GOLGA7: variants seen among roughly 807,000 people sequenced by gnomAD.
GOLGA7 encodes the protein golgin A7, also known as golgin subfamily A member 7.
In GOLGA7, 10 loss-of-function variants were observed where a neutral mutation model predicts 21.1. The ratio of observed to expected loss-of-function variants is 0.47; its 90% CI spans 0.29 to 0.80. GOLGA7 has a LOEUF of 0.80. GOLGA7 is among the 30% of genes least tolerant of loss of function. The pLI, the probability that GOLGA7 is intolerant of heterozygous loss-of-function variation, is 0.08. For synonymous variants in GOLGA7, 64 were observed against 62.6 expected, an observed-to-expected ratio of 1.02 and a Z score of -0.10; for missense variants, 114 against 166.8, an observed-to-expected ratio of 0.68 and a Z score of 1.74.
At chr8:41,490,465 A>G (rs921412986), upstream of GOLGA7, 1 of 195,482 alleles carries the variant, frequency 5.1e-6, no homozygotes, top group Non-Finnish European at 1.1e-5. Flanking sequence ...CACAGCGCGC[A>G]GCTTCGGCAG....
rs1806374527 is a variant in GOLGA7, at chr8:41,509,703, A to G, written c.*135A>G. 6.6e-6 allele frequency: 1 copy of G among 152,610 alleles called. No homozygotes were observed. The highest frequency in any genetic ancestry group is 2.4e-5 in the African/African-American group (1 of 41,444). The allele number at this position is 152,610 out of a possible 1,614,324, so 9.5% of individuals were successfully genotyped here. A position where few individuals can be genotyped will look rare whatever the true frequency, so the allele number is the denominator to read the frequency against. ...CAGAGCCACGGTGCCATTTACTCCAAGGACTCACTTTCTAAAATTCCACAC... is the reference window on the plus strand; with the variant it reads ...CAGAGCCACGGTGCCATTTACTCCAGGGACTCACTTTCTAAAATTCCACAC... On this transcript the variant is annotated 3_prime_UTR_variant, in exon 5 of 5. Coordinates refer to ENST00000357743, the MANE Select transcript of GOLGA7 (RefSeq NM_001002296.2).
At chr8:41,503,221 T>C (rs1389749365) in intron 2 of GOLGA7, among the ~76,000 whole-genome samples, 1 of 139,272 alleles carries the variant, frequency 7.2e-6, no homozygotes, top group Non-Finnish European at 1.6e-5. Flanking sequence ...AAAAAAAAAG[T>C]GTCTGTTCAT....
At chr8:41,494,333 T>C (rs1805955186) in intron 1 of GOLGA7, among the ~76,000 whole-genome samples, 1 of 152,166 alleles carries the variant, frequency 6.6e-6, no homozygotes, top group Non-Finnish European at 1.5e-5. Context: ...TAATAATAAT[T>C]AGGGTTTCCG....
intron 1 of GOLGA7, among the ~76,000 whole-genome samples, chr8:41,497,178 A>G (rs1806039558): frequency 6.6e-6 from 1 of 151,680 alleles, no homozygotes; most frequent in Admixed American, 6.6e-5. Flanking sequence ...GGATTGAGAC[A>G]GTGCTTTATC....
chr8:41,492,093 A>G (rs1563413596), intron 1 of GOLGA7, among the ~76,000 whole-genome samples: 2 of 152,230 alleles, frequency 1.3e-5, no homozygotes, highest in African/African-American at 4.8e-5. Flanking sequence ...TGACATAACC[A>G]TGGGCAGCTT....
Position 41,507,135 on chromosome 8 carries a change from G to T in GOLGA7, c.*15+14G>T, listed in dbSNP as rs1301098688. On this transcript the variant is annotated intron_variant, in intron 4 of 4. Coordinates refer to ENST00000357743, the MANE Select transcript of GOLGA7 (RefSeq NM_001002296.2). ...GAAGAATTAAAGGTAAATATGAAAT[G>T]ATATGGCTTGTATGCAGCTTTTGCA... is the stretch of plus-strand genomic sequence containing the variant. The T allele has an allele frequency of 3.2e-6, 3 of 930,952 alleles. No individual in the cohort carries two copies. The highest frequency in any genetic ancestry group is 1.6e-5 in the African/African-American group (1 of 62,080). The allele number at this position is 930,952 out of a possible 1,614,324, so 57.7% of individuals were successfully genotyped here. A position where few individuals can be genotyped will look rare whatever the true frequency, so the allele number is the denominator to read the frequency against.
chr8:41,491,707 G>A (rs1032781027), intron 1 of GOLGA7, among the ~76,000 whole-genome samples: 8 of 151,802 alleles, frequency 5.3e-5, no homozygotes, highest in African/African-American at 1.9e-4. Context: ...GTATCTTGTT[G>A]TAGAGGTAAT....
intron 1 of GOLGA7, among the ~76,000 whole-genome samples, chr8:41,494,380 G>A (rs1397652547): frequency 6.6e-6 from 1 of 152,176 alleles, no homozygotes; most frequent in Non-Finnish European, 1.5e-5. Flanking sequence ...GAAATAAGAT[G>A]TTTCTGGGTT....
intron 1 of GOLGA7, among the ~76,000 whole-genome samples, chr8:41,494,827 C>A (rs1805968827): frequency 1.3e-5 from 2 of 152,194 alleles, no homozygotes. Flanking sequence ...ATTGACTCCT[C>A]ACATTTTCCA....
At position 41,490,983 on chromosome 8, in the gene GOLGA7, C is replaced by A; in HGVS notation, c.111+18C>A. ...AGAACCGGGTACGCAACCTGGCTCCCCACGCCTGCTCTGGCGAGGGAGAGA... is the reference window on the plus strand; with the variant it reads ...AGAACCGGGTACGCAACCTGGCTCCACACGCCTGCTCTGGCGAGGGAGAGA... On this transcript the variant is annotated intron_variant, in intron 1 of 4. Transcript: ENST00000357743. The A allele has an allele frequency of 2.2e-6, 3 of 1,369,818 alleles. No individual in the cohort carries two copies. The highest frequency in any genetic ancestry group is 1.8e-4 in the Middle Eastern group (1 of 5,496). 84.9% of individuals were successfully genotyped at this position (1,369,818 alleles called of 1,614,324 possible).
At chr8:41,491,027 A>C in intron 1 of GOLGA7, 62 bp downstream of exon 1, 2 of 999,460 alleles carry the variant, frequency 2.0e-6, no homozygotes, top group Non-Finnish European at 3.1e-6. Context: ...GGGGACGGGA[A>C]GGGTGTGGGC....
rs1037952957 is a variant in GOLGA7 at position 41,509,773 on chromosome 8, A to G, written c.*205A>G. On this transcript the variant is annotated 3_prime_UTR_variant, in exon 5 of 5. Transcript: ENST00000357743. ...CTCAGCATCCACTTTGTGTCTCCAA[A>G]TTGTGTAGGACTCTGTAATCTTTTG... The G allele has an allele frequency of 1.3e-5, 2 of 152,610 alleles. No homozygotes were observed. Among genetic ancestry groups the G allele is most frequent in the Non-Finnish European group, 2.9e-5 (2 of 68,048 alleles). 9.5% of individuals were successfully genotyped at this position (152,610 alleles called of 1,614,324 possible). A position where few individuals can be genotyped will look rare whatever the true frequency, so the allele number is the denominator to read the frequency against.
intron 2 of GOLGA7, among the ~76,000 whole-genome samples, chr8:41,501,932 G>A (rs535272003): frequency 6.6e-6 from 1 of 152,270 alleles, no homozygotes; most frequent in South Asian, 2.1e-4. Flanking sequence ...GTTTTAGCTT[G>A]GATTTGTAGA....
chr8:41,497,237 CTAAA>C (rs954560095), intron 1 of GOLGA7, among the ~76,000 whole-genome samples: 4 of 151,586 alleles, frequency 2.6e-5, no homozygotes, highest in African/African-American at 9.7e-5. Flanking sequence ...AAGTGTGAAA[CTAAA>C]TGAATGGAAA....
At position 41,506,043 on chromosome 8, in the gene GOLGA7, AAT is replaced by A. The variant is rs753758253; in HGVS notation, c.366+34_366+35del. On this transcript the variant is annotated intron_variant, in intron 3 of 4. Transcript: ENST00000357743. ...TTTTTAGTTCGGATCAGAAAGTCTA[AAT>A]ATTTATAACAAGAAAATGTTGATAT... 41 of 1,051,700 alleles carry A rather than the reference AAT, an allele frequency of 3.9e-5. No individual in the cohort carries two copies. In the East Asian group the frequency reaches 1.0e-3, roughly 26 times the overall value. The allele number at this position is 1,051,700 out of a possible 1,614,324, so 65.1% of individuals were successfully genotyped here.
intron 2 of GOLGA7, among the ~76,000 whole-genome samples, chr8:41,501,307 G>A (rs1304879177): frequency 6.4e-5 from 9 of 140,960 alleles, no homozygotes; most frequent in East Asian, 2.0e-4. Context: ...TCTTGAGGTC[G>A]ATTTTTTTTT....
intron 2 of GOLGA7, among the ~76,000 whole-genome samples, chr8:41,503,276 A>C (rs1242991095): frequency 6.9e-6 from 1 of 145,186 alleles, no homozygotes; most frequent in Non-Finnish European, 1.5e-5. Flanking sequence ...TTTTTCTTGT[A>C]AATTTGTTTG....
At chr8:41,506,450 T>C (rs2150447056) in intron 3 of GOLGA7, among the ~76,000 whole-genome samples, 1 of 152,340 alleles carries the variant, frequency 6.6e-6, no homozygotes, top group Middle Eastern at 3.4e-3. Flanking sequence ...AGATGTGTAA[T>C]TTCATTACCT....
chr8:41,508,349 A>G (rs1413012972), intron 4 of GOLGA7, among the ~76,000 whole-genome samples: 1 of 152,246 alleles, frequency 6.6e-6, no homozygotes, highest in Non-Finnish European at 1.5e-5. Context: ...CTTCTTTAGC[A>G]CTAGTGAATG....
Sources: gnomAD v4.1 joint callset for allele counts (sites outside exome capture counted in the v4.1 genomes callset) on GRCh38, gnomAD v4.1.1 for gene constraint, MANE v1.5 for transcripts, NCBI Gene and HGNC (gene_info 2026-07-23, HGNC 2026-07-21) for gene names.